Variants in MEI4 observed in about 807,000 individuals in gnomAD.
The protein encoded by MEI4 is meiotic double-stranded break formation protein 4.
Under a neutral mutation model 31.4 loss-of-function variants are expected in MEI4, and 27 were observed. The ratio of observed to expected loss-of-function variants is 0.86; its 90% CI spans 0.63 to 1.19. The LOEUF (loss-of-function observed/expected upper bound fraction) is 1.19. Among genes scored for constraint, MEI4 ranks in the 50% most tolerant of loss-of-function variants. MEI4 has a pLI of 0.00. For missense variants in MEI4, 329 were observed against 398.9 expected, an observed-to-expected ratio of 0.82 and a Z score of 1.49; for synonymous variants, 122 against 145.4, an observed-to-expected ratio of 0.84 and a Z score of 1.16.
chr6:77,676,907 A>T (rs1431649720), intron 1 of MEI4, among the ~76,000 whole-genome samples: 1 of 152,198 alleles, frequency 6.6e-6, no homozygotes, highest in East Asian at 1.9e-4. Flanking sequence ...CAAGTGTGGT[A>T]TGCTGTCACA....
rs141550520 is a variant in MEI4, at chr6:77,747,114, C to G, written c.233-14016C>G. ...ATCACCTGATATCAGGAGTTCAAGA[C>G]CAGCCTGACTAACATGGTGAAACCT... is the stretch of plus-strand genomic sequence containing the variant. On this transcript the variant is annotated intron_variant, in intron 2 of 4. Transcript: ENST00000684080. 2.6e-3 allele frequency among the ~76,000 whole-genome samples: 394 copies of G among 152,056 alleles called. 2 individuals are homozygous for G. The highest frequency in any genetic ancestry group is 8.8e-3 in the African/African-American group (364 of 41,438).
intron 4 of MEI4, among the ~76,000 whole-genome samples, chr6:77,909,310 G>C (rs1766375304): frequency 6.6e-6 from 1 of 151,942 alleles, no homozygotes; most frequent in South Asian, 2.1e-4. Flanking sequence ...TAGACCGCTA[G>C]CAAGACTACT....
chr6:77,877,687 G>C (rs928877100), intron 4 of MEI4, among the ~76,000 whole-genome samples: 7 of 148,478 alleles, frequency 4.7e-5, no homozygotes, highest in African/African-American at 9.9e-5. Context: ...GGGGGAAAAT[G>C]GTGTGCTCCA....
At chr6:77,735,900 G>A (rs995112956) in intron 2 of MEI4, among the ~76,000 whole-genome samples, 1 of 151,708 alleles carries the variant, frequency 6.6e-6, no homozygotes, top group Non-Finnish European at 1.5e-5. Context: ...GCCGTGTGAG[G>A]TGTCAGTCTG....
intron 3 of MEI4, among the ~76,000 whole-genome samples, chr6:77,789,573 A>C (rs560956635): frequency 1.8e-4 from 27 of 152,110 alleles, no homozygotes; most frequent in Admixed American, 8.5e-4. Flanking sequence ...AAACAAACAA[A>C]CCCATCAAAA....
chr6:77,715,901 TA>T (rs1766571738), intron 2 of MEI4, among the ~76,000 whole-genome samples: 1 of 152,232 alleles, frequency 6.6e-6, no homozygotes, highest in African/African-American at 2.4e-5. Flanking sequence ...TTTTTTTTTC[TA>T]TTTCTCGGTT....
chr6:77,732,754 G>C (rs558496073), intron 2 of MEI4, among the ~76,000 whole-genome samples: 1 of 152,134 alleles, frequency 6.6e-6, no homozygotes, highest in Non-Finnish European at 1.5e-5. Flanking sequence ...GTATGATATT[G>C]GCTGTGGGTT....
chr6:77,672,392 T>A (rs1216708432), intron 1 of MEI4, among the ~76,000 whole-genome samples: 1 of 152,246 alleles, frequency 6.6e-6, no homozygotes, highest in African/African-American at 2.4e-5. Flanking sequence ...AAATTATTTT[T>A]AATTTGCTTT....
chr6:77,788,485 A>ATCTGTTTGCAGATTAC (rs1561988351), intron 3 of MEI4, among the ~76,000 whole-genome samples: 2 of 152,216 alleles, frequency 1.3e-5, no homozygotes, highest in African/African-American at 4.8e-5. Flanking sequence ...AGATTACTTG[A>ATCTGTTTGCAGATTAC]TTGTATATCT....
At chr6:77,776,034 A>G (rs141419916) in intron 3 of MEI4, among the ~76,000 whole-genome samples, 5,110 of 148,686 alleles carry the variant, frequency 0.034, 108 homozygotes, top group Middle Eastern at 0.097. Context: ...TTTTGATGGG[A>G]TTTTTTTTTC....
At chr6:77,720,594 C>T (rs1179420774) in intron 2 of MEI4, among the ~76,000 whole-genome samples, 3 of 140,384 alleles carry the variant, frequency 2.1e-5, no homozygotes, top group East Asian at 2.0e-4. Context: ...TAACTCCTGC[C>T]TCTTGAGTGG....
chr6:77,921,826 T>TAA (rs1766710229), intron 4 of MEI4, among the ~76,000 whole-genome samples: 1 of 151,758 alleles, frequency 6.6e-6, no homozygotes, highest in East Asian at 1.9e-4. Context: ...ACTTATCAGT[T>TAA]AAGTTCACCA....
intron 3 of MEI4, among the ~76,000 whole-genome samples, chr6:77,785,215 C>T (rs1407639422): frequency 6.6e-6 from 1 of 152,088 alleles, no homozygotes; most frequent in African/African-American, 2.4e-5. Context: ...TTTGGAGGCA[C>T]TTTGTAAATT....
intron 2 of MEI4, among the ~76,000 whole-genome samples, chr6:77,745,004 A>C (rs1426336343): frequency 2.6e-5 from 4 of 152,254 alleles, no homozygotes; most frequent in Non-Finnish European, 5.9e-5. Flanking sequence ...GGTACCAGCC[A>C]CTGCAAAATC....
chr6:77,667,970 A>G (rs1308444335), intron 1 of MEI4, among the ~76,000 whole-genome samples: 1 of 151,154 alleles, frequency 6.6e-6, no homozygotes, highest in Non-Finnish European at 1.5e-5. Context: ...AAAAAAAAAA[A>G]GGCTTATAAT....
intron 4 of MEI4, among the ~76,000 whole-genome samples, chr6:77,889,287 G>C (rs1771700478): frequency 6.6e-6 from 1 of 152,158 alleles, no homozygotes; most frequent in African/African-American, 2.4e-5. Context: ...GAGACTTGTT[G>C]AGTGGCTTTG....
intron 1 of MEI4, among the ~76,000 whole-genome samples, chr6:77,678,825 A>C (rs984448307): frequency 1.3e-5 from 2 of 152,196 alleles, no homozygotes; most frequent in African/African-American, 2.4e-5. Context: ...ATTGCCCCTG[A>C]AGACCTTCCG....
chr6:77,815,167 T>G (rs1171070741), intron 3 of MEI4, among the ~76,000 whole-genome samples: 2 of 152,044 alleles, frequency 1.3e-5, no homozygotes, highest in Non-Finnish European at 2.9e-5. Flanking sequence ...TCTCCAAAGT[T>G]GCCCTCTCCT....
chr6:77,889,835 C>T (rs542489256), intron 4 of MEI4, among the ~76,000 whole-genome samples: 6 of 152,276 alleles, frequency 3.9e-5, no homozygotes, highest in Admixed American at 6.5e-5. Flanking sequence ...GCTCTAGCTG[C>T]GGCTAAAAGG....
Sources: gnomAD v4.1 joint callset for allele counts (sites outside exome capture counted in the v4.1 genomes callset) on GRCh38, gnomAD v4.1.1 for gene constraint, MANE v1.5 for transcripts, NCBI Gene and HGNC (gene_info 2026-07-23, HGNC 2026-07-21) for gene names.